LRRTM4: variants seen among roughly 807,000 people sequenced by gnomAD.
LRRTM4 encodes the protein leucine-rich repeat transmembrane neuronal protein 4.
LRRTM4 carries 25 observed loss-of-function variants against 47.6 expected under a neutral mutation model. The observed-to-expected ratio is 0.53, with a 90% CI of 0.38 to 0.73. The LOEUF (loss-of-function observed/expected upper bound fraction) is 0.73. Ranked by LOEUF, LRRTM4 falls within the 30% of genes least tolerant of loss-of-function variation. LRRTM4 has a pLI of 0.00. For synonymous variants in LRRTM4, 311 were observed against 269.5 expected (o/e 1.15, Z -1.51); for missense variants, 638 against 713.4 (o/e 0.89, Z 1.20).
intron 3 of LRRTM4, among the ~76,000 whole-genome samples, chr2:77,373,088 A>AATTT (rs1553435846): frequency 2.8e-5 from 4 of 140,370 alleles, no homozygotes; most frequent in Non-Finnish European, 6.2e-5. Context: ...TTAAAAAAAA[A>AATTT]ATATATATAT....
chr2:76,974,821 C>T (rs1268018529), intron 3 of LRRTM4, among the ~76,000 whole-genome samples: 2 of 151,504 alleles, frequency 1.3e-5, no homozygotes, highest in Non-Finnish European at 3.0e-5. Flanking sequence ...CAGTTTTTGT[C>T]TTTTCAAACC....
intron 3 of LRRTM4, among the ~76,000 whole-genome samples, chr2:77,450,562 C>A (rs926435270): frequency 4.2e-4 from 64 of 152,126 alleles, no homozygotes; most frequent in Admixed American, 3.5e-3. Context: ...TTATTCTACA[C>A]CTAAGAATTT....
intron 3 of LRRTM4, among the ~76,000 whole-genome samples, chr2:76,794,704 G>A (rs1374499518): frequency 6.6e-6 from 1 of 151,786 alleles, no homozygotes; most frequent in Non-Finnish European, 1.5e-5. Flanking sequence ...TGACATTAGT[G>A]ACATTTTTCA....
intron 3 of LRRTM4, among the ~76,000 whole-genome samples, chr2:76,881,578 C>G (rs181941806): frequency 6.7e-6 from 1 of 148,990 alleles, no homozygotes; most frequent in Admixed American, 6.8e-5. Context: ...TTTTGGTAAT[C>G]TTAACAGTCT....
chr2:77,353,844 G>C (rs1285259436), intron 3 of LRRTM4, among the ~76,000 whole-genome samples: 1 of 152,180 alleles, frequency 6.6e-6, no homozygotes, highest in East Asian at 1.9e-4. Flanking sequence ...GCTTAGCCCA[G>C]GAAGGTTCTT....
At chr2:77,152,473 T>G (rs1161759381) in intron 3 of LRRTM4, among the ~76,000 whole-genome samples, 1 of 151,966 alleles carries the variant, frequency 6.6e-6, no homozygotes, top group Non-Finnish European at 1.5e-5. Context: ...GGACTACAGG[T>G]GTGTGCCACC....
rs75093693 is a variant in LRRTM4 at position 77,470,681 on chromosome 2, A to G, written c.1551+47637T>C. Among the ~76,000 whole-genome samples the G allele has an allele frequency of 5.8e-3, 888 of 152,222 alleles. 7 individuals carry two copies. The highest frequency in any genetic ancestry group is 0.02 in the African/African-American group (848 of 41,540). On this transcript the variant is annotated intron_variant, in intron 3 of 3. Coordinates refer to ENST00000409884, the MANE Select transcript of LRRTM4 (RefSeq NM_001134745.3). The stretch of plus-strand genomic sequence containing the variant: ...AATTAATGCTTCATCTGAGTTTTTC[A>G]TTATAATGTTTGTCTTTAGATTTTG...
intron 3 of LRRTM4, among the ~76,000 whole-genome samples, chr2:77,030,460 A>G (rs993704766): frequency 6.6e-5 from 10 of 152,134 alleles, no homozygotes; most frequent in Non-Finnish European, 1.0e-4. Context: ...ACATTTATTG[A>G]CAGTAAGTCG....
intron 3 of LRRTM4, among the ~76,000 whole-genome samples, chr2:77,447,745 C>A: frequency 6.6e-6 from 1 of 152,092 alleles, no homozygotes; most frequent in East Asian, 1.9e-4. Context: ...TTCCCCCAAG[C>A]CCTGTGAATT....
At chr2:77,372,416 G>T (rs1196269704) in intron 3 of LRRTM4, among the ~76,000 whole-genome samples, 1 of 151,696 alleles carries the variant, frequency 6.6e-6, no homozygotes, top group Non-Finnish European at 1.5e-5. Flanking sequence ...TAGGTGGGAA[G>T]CACACTACCA....
intron 3 of LRRTM4, among the ~76,000 whole-genome samples, chr2:76,823,652 T>C (rs1671113291): frequency 6.7e-6 from 1 of 149,340 alleles, no homozygotes; most frequent in South Asian, 2.1e-4. Context: ...GTAAGTGTTC[T>C]TCCGTTCATT....
At chr2:77,306,867 T>C (rs80020118) in intron 3 of LRRTM4, among the ~76,000 whole-genome samples, 4,114 of 151,088 alleles carry the variant, frequency 0.027, 210 homozygotes, top group African/African-American at 0.096. Flanking sequence ...TCATATACTT[T>C]TCTAAAATAG....
chr2:76,873,449 A>G (rs1049508911), intron 3 of LRRTM4, among the ~76,000 whole-genome samples: 9 of 144,068 alleles, frequency 6.2e-5, no homozygotes, highest in Admixed American at 1.4e-4. Flanking sequence ...GTCTGTGTGT[A>G]TATATATATA....
chr2:77,142,932 A>T (rs1411207099), intron 3 of LRRTM4, among the ~76,000 whole-genome samples: 7 of 152,164 alleles, frequency 4.6e-5, no homozygotes, highest in Admixed American at 4.6e-4. Flanking sequence ...TATGAATCTA[A>T]GTTTTTAGTT....
At chr2:76,967,221 T>C (rs1399413458) in intron 3 of LRRTM4, among the ~76,000 whole-genome samples, 1 of 151,044 alleles carries the variant, frequency 6.6e-6, no homozygotes, top group Non-Finnish European at 1.5e-5. Context: ...AAATGAGTAC[T>C]TGTGGATTTA....
In LRRTM4 at chr2:76,926,220, T is replaced by C. The variant is rs183618120; in HGVS notation, c.1552-177304A>G. The stretch of plus-strand genomic sequence containing the variant: ...TGCAATGTGTCTAGGAGTACTTTTA[T>C]AAATGATTAACAAAGAACTTTAAAA... On this transcript the variant is annotated intron_variant, in intron 3 of 3. Coordinates refer to ENST00000409884, the MANE Select transcript of LRRTM4 (RefSeq NM_001134745.3). Among the ~76,000 whole-genome samples the C allele has an allele frequency of 2.0e-5, 3 of 152,310 alleles. No individual in the cohort carries two copies. In the East Asian group the frequency reaches 5.8e-4, roughly 29 times the overall value.
intron 3 of LRRTM4, among the ~76,000 whole-genome samples, chr2:77,474,648 A>T (rs1677317421): frequency 6.6e-6 from 1 of 152,118 alleles, no homozygotes; most frequent in Non-Finnish European, 1.5e-5. Flanking sequence ...TCTTTCATTG[A>T]TTTTTAGATT....
At chr2:76,863,417 G>A (rs1304949573) in intron 3 of LRRTM4, among the ~76,000 whole-genome samples, 1 of 152,152 alleles carries the variant, frequency 6.6e-6, no homozygotes, top group Non-Finnish European at 1.5e-5. Context: ...TTCCAAATTA[G>A]AGCATGGGAT....
At chr2:77,345,838 GTA>G (rs1216126218) in intron 3 of LRRTM4, among the ~76,000 whole-genome samples, 8 of 148,700 alleles carry the variant, frequency 5.4e-5, no homozygotes, top group Admixed American at 6.7e-5. Context: ...ATATGTGTGT[GTA>G]TATATATATA....
Sources: allele counts gnomAD v4.1 joint callset (sites outside exome capture counted in the v4.1 genomes callset), GRCh38; gene constraint gnomAD v4.1.1; transcripts MANE v1.5; gene names NCBI Gene and HGNC (gene_info 2026-07-23, HGNC 2026-07-21).